MACROD2: variants seen among roughly 807,000 people sequenced by gnomAD.
MACROD2 encodes the protein ADP-ribose glycohydrolase MACROD2.
MACROD2 carries 36 observed loss-of-function variants against 70.4 expected under a neutral mutation model. That is an observed-to-expected ratio of 0.51 (90% CI 0.39 to 0.68). The LOEUF is 0.68. MACROD2 is among the 30% of genes least tolerant of loss of function. The pLI, the probability that MACROD2 is intolerant of heterozygous loss-of-function variation, is 0.00. For missense variants in MACROD2, 496 were observed against 538.4 expected (o/e 0.92, Z 0.78); for synonymous variants, 172 against 178.8 (o/e 0.96, Z 0.30).
rs1021334347 is a variant in MACROD2 at position 14,379,507 on chromosome 20, A to T, written c.272-113972A>T. 3.9e-5 allele frequency among the ~76,000 whole-genome samples: 6 copies of T among 152,208 alleles called. No individual in the cohort carries two copies. The South Asian group carries it at 1.0e-3, about 26-fold the overall frequency. ...CCATTTTTAAGTATGCAATTCAGTG[A>T]CAATAAATACTTTCACGATGTTGTG... On this transcript the variant is annotated intron_variant, in intron 3 of 17. Coordinates refer to ENST00000684519, the MANE Select transcript of MACROD2 (RefSeq NM_001351661.2).
At chr20:14,112,263 A>AAAATAGTTC (rs1401888775) in intron 3 of MACROD2, among the ~76,000 whole-genome samples, 1 of 151,986 alleles carries the variant, frequency 6.6e-6, no homozygotes, top group East Asian at 1.9e-4. Context: ...ATGGGCACAA[A>AAAATAGTTC]AAATAGTTCA....
At chr20:14,758,114 A>G (rs1309479273) in intron 5 of MACROD2, 1 of 360,088 alleles carries the variant, frequency 2.8e-6, no homozygotes, top group Non-Finnish European at 5.1e-6. Context: ...CTTAAAAAAA[A>G]AAAAGAAAAA....
intron 5 of MACROD2, among the ~76,000 whole-genome samples, chr20:15,067,371 A>G (rs1313279213): frequency 1.3e-5 from 2 of 152,062 alleles, no homozygotes; most frequent in African/African-American, 4.8e-5. Flanking sequence ...TGTTTTTGAG[A>G]TGGAGTCTCA....
At chr20:14,266,597 C>G (rs1162054060) in intron 3 of MACROD2, among the ~76,000 whole-genome samples, 2 of 152,120 alleles carry the variant, frequency 1.3e-5, no homozygotes. Flanking sequence ...ATATGTCCCT[C>G]TCTTCAAGTT....
intron 5 of MACROD2, among the ~76,000 whole-genome samples, chr20:15,165,630 CTTA>C (rs1462899404): frequency 2.6e-5 from 4 of 152,154 alleles, no homozygotes; most frequent in African/African-American, 4.8e-5. Context: ...CAAAGTGACA[CTTA>C]TTATGCGCAG....
chr20:14,760,484 T>C (rs1203513824), intron 5 of MACROD2, among the ~76,000 whole-genome samples: 1 of 152,078 alleles, frequency 6.6e-6, no homozygotes, highest in African/African-American at 2.4e-5. Context: ...TCAGTGGAAG[T>C]TATTAATACT....
At chr20:15,598,309 A>G (rs998247143) in intron 8 of MACROD2, among the ~76,000 whole-genome samples, 1 of 152,224 alleles carries the variant, frequency 6.6e-6, no homozygotes, top group Non-Finnish European at 1.5e-5. Context: ...CATGACCAGT[A>G]AAGTCATGGA....
At chr20:14,199,536 A>G (rs1176480366) in intron 3 of MACROD2, among the ~76,000 whole-genome samples, 1 of 152,176 alleles carries the variant, frequency 6.6e-6, no homozygotes, top group Non-Finnish European at 1.5e-5. Context: ...ATGCTACCCA[A>G]TTCCTTACCA....
At chr20:14,237,251 T>C (rs1199589932) in intron 3 of MACROD2, among the ~76,000 whole-genome samples, 1 of 152,092 alleles carries the variant, frequency 6.6e-6, no homozygotes, top group East Asian at 1.9e-4. Context: ...ACCTGTCGAT[T>C]TATGTGTGTA....
chr20:14,346,093 CAAAAAAAA>C (rs71190130), intron 3 of MACROD2, among the ~76,000 whole-genome samples: 2 of 41,150 alleles, frequency 4.9e-5, no homozygotes, highest in African/African-American at 2.1e-4. Context: ...GATTCTGCCT[CAAAAAAAA>C]AAAAAAAAAA....
At chr20:15,519,097 T>TCCTTCCTC in intron 8 of MACROD2, among the ~76,000 whole-genome samples, 1 of 147,958 alleles carries the variant, frequency 6.8e-6, no homozygotes, top group African/African-American at 2.5e-5. Context: ...CTTCCTTCCT[T>TCCTTCCTC]CCTTCCTTCC....
intron 5 of MACROD2, among the ~76,000 whole-genome samples, chr20:14,685,344 G>T (rs1192057644): frequency 6.6e-6 from 1 of 152,116 alleles, no homozygotes; most frequent in Non-Finnish European, 1.5e-5. Flanking sequence ...TTTCTTGATT[G>T]TGGATGTGTT....
intron 8 of MACROD2, among the ~76,000 whole-genome samples, chr20:15,733,982 A>C (rs1418385093): frequency 6.6e-6 from 1 of 152,166 alleles, no homozygotes; most frequent in Non-Finnish European, 1.5e-5. Flanking sequence ...ACCAAGAATT[A>C]TGTGCTAGGA....
At chr20:14,568,918 A>T (rs1979991843) in intron 4 of MACROD2, among the ~76,000 whole-genome samples, 1 of 151,990 alleles carries the variant, frequency 6.6e-6, no homozygotes, top group South Asian at 2.1e-4. Flanking sequence ...GCAAACTGCT[A>T]CAGCCCCAGT....
At chr20:14,898,452 G>C (rs1428350804) in intron 5 of MACROD2, among the ~76,000 whole-genome samples, 1 of 152,162 alleles carries the variant, frequency 6.6e-6, no homozygotes, top group Non-Finnish European at 1.5e-5. Flanking sequence ...AAATAGGCCA[G>C]GTGCCGTGGC....
intron 3 of MACROD2, among the ~76,000 whole-genome samples, chr20:14,386,342 T>TG (rs1396570704): frequency 6.6e-6 from 1 of 152,250 alleles, no homozygotes; most frequent in Admixed American, 6.5e-5. Context: ...TATTGAATTC[T>TG]GCCATACTCT....
chr20:15,513,217 A>G (rs2047522564), intron 8 of MACROD2, among the ~76,000 whole-genome samples: 1 of 152,188 alleles, frequency 6.6e-6, no homozygotes, highest in African/African-American at 2.4e-5. Flanking sequence ...GGAAATGGCC[A>G]TTTGCCAGCA....
At chr20:15,789,070 A>G (rs1047366890) in intron 8 of MACROD2, among the ~76,000 whole-genome samples, 5 of 152,226 alleles carry the variant, frequency 3.3e-5, no homozygotes, top group Admixed American at 3.3e-4. Context: ...GCTGAATGAA[A>G]AAGATCAGCT....
At chr20:14,251,135 A>G (rs1009885893) in intron 3 of MACROD2, among the ~76,000 whole-genome samples, 10 of 152,182 alleles carry the variant, frequency 6.6e-5, no homozygotes, top group South Asian at 2.1e-4. Context: ...CCTATGTACT[A>G]TCAGATCACA....
Sources: allele counts gnomAD v4.1 joint callset (sites outside exome capture counted in the v4.1 genomes callset), GRCh38; gene constraint gnomAD v4.1.1; transcripts MANE v1.5; gene names NCBI Gene and HGNC (gene_info 2026-07-23, HGNC 2026-07-21).